Variants in SORCS2 observed in about 807,000 individuals in gnomAD.
The protein encoded by SORCS2 is VPS10 domain-containing receptor SorCS2.
A neutral mutation model predicts 141.6 loss-of-function variants in SORCS2; 100 were observed. That is an observed-to-expected ratio of 0.71 (90% CI 0.60 to 0.83). SORCS2 has a LOEUF of 0.83. SORCS2 is among the 40% of genes least tolerant of loss of function. The probability of loss-of-function intolerance (pLI) is 0.00; values close to 1 mark genes in which losing one functional copy is unlikely to be tolerated. For missense variants in SORCS2, 1,646 were observed against 1,560.2 expected, an observed-to-expected ratio of 1.05 and a Z score of -0.93; for synonymous variants, 789 against 676.9, an observed-to-expected ratio of 1.17 and a Z score of -2.57.
rs767750759 is a variant in SORCS2, at chr4:7,520,469, A to AG, written c.549-11057dup. The stretch of plus-strand genomic sequence containing the variant: ...CAGGCAGGGGCACTGATGGTGGAGG[A>AG]GGGGTCCTCTGGGATTGCGCCCAGC... On this transcript the variant is annotated intron_variant, in intron 2 of 26. Coordinates refer to ENST00000507866, the MANE Select transcript of SORCS2 (RefSeq NM_020777.3). Among the ~76,000 whole-genome samples, 5 of 151,988 alleles carry AG rather than the reference A, an allele frequency of 3.3e-5. No individual in the cohort carries two copies. In the South Asian group the frequency reaches 8.3e-4, roughly 25 times the overall value.
chr4:7,307,559 C>T (rs983693706), intron 1 of SORCS2, among the ~76,000 whole-genome samples: 4 of 152,234 alleles, frequency 2.6e-5, no homozygotes, highest in Admixed American at 2.6e-4. Context: ...CAGGTCAGGG[C>T]TCCGCCGCCA....
chr4:7,608,800 GC>G (rs1718218214), intron 3 of SORCS2, among the ~76,000 whole-genome samples: 2 of 150,854 alleles, frequency 1.3e-5, no homozygotes, highest in Admixed American at 1.3e-4. Flanking sequence ...CTGTGGCTCA[GC>G]ATTTGCCGAG....
chr4:7,645,138 G>A (rs185750856), intron 4 of SORCS2, among the ~76,000 whole-genome samples: 36 of 152,164 alleles, frequency 2.4e-4, no homozygotes, highest in African/African-American at 8.2e-4. Flanking sequence ...GTGACGACTC[G>A]CTTTTTAGGC....
chr4:7,282,310 A>G (rs1196933575), intron 1 of SORCS2, among the ~76,000 whole-genome samples: 2 of 152,246 alleles, frequency 1.3e-5, no homozygotes, highest in African/African-American at 4.8e-5. Flanking sequence ...AGTGATAGAC[A>G]TGTTTTTAAG....
Position 7,527,415 on chromosome 4 carries a change from T to A in SORCS2, c.549-4115T>A, listed in dbSNP as rs144329730. Among the ~76,000 whole-genome samples the A allele has an allele frequency of 2.8e-3, 421 of 152,304 alleles. 1 individual carries two copies. The highest frequency in any genetic ancestry group is 9.3e-3 in the African/African-American group (387 of 41,560). On this transcript the variant is annotated intron_variant, in intron 2 of 26. Transcript: ENST00000507866. The stretch of plus-strand genomic sequence containing the variant: ...CGTGAGACTGTGGTAGTCGGCGCTG[T>A]GACGGGAGGCTGTGACGGGAAGCAG...
intron 11 of SORCS2, among the ~76,000 whole-genome samples, chr4:7,695,704 GTGGA>G (rs368124383): frequency 0.3 from 1,312 of 4,436 alleles, 510 homozygotes; most frequent in Non-Finnish European, 0.42. Context: ...TGGTGGGTGG[GTGGA>G]TGGATGGATG....
intron 2 of SORCS2, among the ~76,000 whole-genome samples, chr4:7,475,548 C>T (rs1390057231): frequency 2.0e-5 from 3 of 152,212 alleles, no homozygotes; most frequent in African/African-American, 7.2e-5. Context: ...CCAGCTGCCC[C>T]CCTCCTGCCA....
At chr4:7,224,392 G>A (rs1728878958) in intron 1 of SORCS2, among the ~76,000 whole-genome samples, 1 of 152,184 alleles carries the variant, frequency 6.6e-6, no homozygotes. Context: ...AGAGGAGGCG[G>A]GGCTGGGACT....
chr4:7,228,229 TC>T (rs1711555441), intron 1 of SORCS2, among the ~76,000 whole-genome samples: 1 of 152,192 alleles, frequency 6.6e-6, no homozygotes, highest in African/African-American at 2.4e-5. Flanking sequence ...AATCTCCTCT[TC>T]CTGTGAAGAT....
chr4:7,533,944 G>A (rs1711884242), intron 3 of SORCS2, among the ~76,000 whole-genome samples: 1 of 152,196 alleles, frequency 6.6e-6, no homozygotes. Context: ...GCGATGTGGG[G>A]TGCTCAATAG....
chr4:7,293,766 C>A (rs1011852568), intron 1 of SORCS2, among the ~76,000 whole-genome samples: 4 of 152,166 alleles, frequency 2.6e-5, no homozygotes, highest in Admixed American at 1.3e-4. Context: ...GTGCAGCTGC[C>A]TGGGGGAGCC....
intron 3 of SORCS2, among the ~76,000 whole-genome samples, chr4:7,575,650 A>C (rs1000045063): frequency 2.6e-5 from 4 of 152,362 alleles, no homozygotes; most frequent in African/African-American, 9.6e-5. Flanking sequence ...GTAGTACCCC[A>C]GTCACACTTT....
chr4:7,490,462 C>T (rs1731251242), intron 2 of SORCS2, among the ~76,000 whole-genome samples: 1 of 152,116 alleles, frequency 6.6e-6, no homozygotes, highest in Non-Finnish European at 1.5e-5. Context: ...AGGATTTGGT[C>T]TTTTAGAGCC....
At chr4:7,589,649 C>A (rs1270245803) in intron 3 of SORCS2, among the ~76,000 whole-genome samples, 2 of 152,222 alleles carry the variant, frequency 1.3e-5, no homozygotes, top group South Asian at 2.1e-4. Context: ...GATCTGCCCA[C>A]CTCAGCCTCC....
chr4:7,232,844 C>G (rs1711992933), intron 1 of SORCS2, among the ~76,000 whole-genome samples: 1 of 152,220 alleles, frequency 6.6e-6, no homozygotes. Flanking sequence ...TGTCATGTGT[C>G]AGCCTCTGGG....
intron 3 of SORCS2, among the ~76,000 whole-genome samples, chr4:7,534,921 G>A (rs73089795): frequency 6.6e-6 from 1 of 152,234 alleles, no homozygotes; most frequent in East Asian, 1.9e-4. Context: ...AGGAGGGGCT[G>A]CAGGGGTTGG....
At chr4:7,350,209 T>A (rs759181012) in intron 1 of SORCS2, among the ~76,000 whole-genome samples, 2 of 152,248 alleles carry the variant, frequency 1.3e-5, no homozygotes, top group African/African-American at 4.8e-5. Flanking sequence ...GAAGGGAATC[T>A]GTCCTTCCAA....
intron 3 of SORCS2, among the ~76,000 whole-genome samples, chr4:7,590,768 G>A (rs1716865796): frequency 6.6e-6 from 1 of 152,182 alleles, no homozygotes; most frequent in Non-Finnish European, 1.5e-5. Flanking sequence ...GCCGGCTACT[G>A]CTGACACCTT....
intron 2 of SORCS2, among the ~76,000 whole-genome samples, chr4:7,420,359 G>A (rs34829823): frequency 0.013 from 1,941 of 152,284 alleles, 14 homozygotes; most frequent in Non-Finnish European, 0.019. Flanking sequence ...TTGCAGGTTT[G>A]TGGGAGCCTT....
Sources: gnomAD v4.1 joint callset for allele counts (sites outside exome capture counted in the v4.1 genomes callset) on GRCh38, gnomAD v4.1.1 for gene constraint, MANE v1.5 for transcripts, NCBI Gene and HGNC (gene_info 2026-07-23, HGNC 2026-07-21) for gene names.